Variants in GADL1 observed in about 807,000 individuals in gnomAD.
The protein encoded by GADL1 is GAD like acidic amino acid decarboxylase 1.
In GADL1, 71 loss-of-function variants were observed where a neutral mutation model predicts 69.5. The observed-to-expected ratio is 1.02, with a 90% confidence interval of 0.84 to 1.25. The LOEUF is 1.25. Among genes scored for constraint, GADL1 ranks in the 50% most tolerant of loss-of-function variants. GADL1 has a pLI of 0.00. For missense variants in GADL1, 737 were observed against 631.8 expected, an observed-to-expected ratio of 1.17 and a Z score of -1.79; for synonymous variants, 254 against 214.4, an observed-to-expected ratio of 1.18 and a Z score of -1.62.
intron 14 of GADL1, among the ~76,000 whole-genome samples, chr3:30,753,236 G>A (rs1337169619): frequency 6.6e-6 from 1 of 152,080 alleles, no homozygotes; most frequent in Non-Finnish European, 1.5e-5. Flanking sequence ...TTGTGTGAAT[G>A]GAGATAGTTC....
chr3:30,730,863 G>C (rs1459087809), intron 14 of GADL1, among the ~76,000 whole-genome samples: 1 of 152,158 alleles, frequency 6.6e-6, no homozygotes, highest in Non-Finnish European at 1.5e-5. Flanking sequence ...GCATGTGTGT[G>C]TGTGTGTGCC....
chr3:30,868,864 G>A (rs1162690838), intron 1 of GADL1, among the ~76,000 whole-genome samples: 1 of 151,892 alleles, frequency 6.6e-6, no homozygotes, highest in African/African-American at 2.4e-5. Context: ...TGAATCAAAA[G>A]TGAATCCAGA....
intron 14 of GADL1, among the ~76,000 whole-genome samples, chr3:30,743,011 T>C (rs1255700931): frequency 6.6e-6 from 1 of 152,052 alleles, no homozygotes; most frequent in African/African-American, 2.4e-5. Flanking sequence ...TCTTGTATGC[T>C]ACACCAGCTG....
chr3:30,825,324 T>G (rs926557560), intron 11 of GADL1, among the ~76,000 whole-genome samples: 2 of 152,002 alleles, frequency 1.3e-5, no homozygotes, highest in Non-Finnish European at 2.9e-5. Flanking sequence ...AATTAGGGTT[T>G]AAATACAATT....
intron 14 of GADL1, among the ~76,000 whole-genome samples, chr3:30,777,773 C>T (rs920741967): frequency 1.3e-5 from 2 of 152,196 alleles, no homozygotes; most frequent in Non-Finnish European, 1.5e-5. Flanking sequence ...TTGTTGAAGA[C>T]AGTCTCACGC....
intron 4 of GADL1, among the ~76,000 whole-genome samples, chr3:30,853,177 C>A (rs1413341682): frequency 6.6e-6 from 1 of 152,032 alleles, no homozygotes; most frequent in Non-Finnish European, 1.5e-5. Flanking sequence ...AGTATTGAGC[C>A]GCCTTCTCTC....
chr3:30,794,984 A>G (rs1348341431), intron 12 of GADL1, among the ~76,000 whole-genome samples: 2 of 152,318 alleles, frequency 1.3e-5, no homozygotes, highest in African/African-American at 2.4e-5. Context: ...CCAGTATTTT[A>G]GAGACCTGAC....
At chr3:30,766,805 C>T (rs952832338) in intron 14 of GADL1, among the ~76,000 whole-genome samples, 1 of 151,808 alleles carries the variant, frequency 6.6e-6, no homozygotes, top group African/African-American at 2.4e-5. Flanking sequence ...TAAATCAGAT[C>T]ACTGTAGTCC....
rs1164887581 is a variant in GADL1 at position 30,857,112 on chromosome 3, C to T, written c.240G>A (p.Leu80=). 3 of 1,550,214 alleles carry T rather than the reference C, an allele frequency of 1.9e-6. No individual in the cohort carries two copies. The highest frequency in any genetic ancestry group is 2.6e-6 in the Non-Finnish European group (3 of 1,145,862). Residue 80 remains leucine, a synonymous_variant, in exon 3 of 15, where the codon CTG becomes CTA. Coordinates refer to ENST00000282538, the MANE Select transcript of GADL1 (RefSeq NM_207359.3). ...TCATCTCCAAATCAAGAAGCTGTTT[C>T]AGTTGTTCAGGAGGCCTCCATTCAC... The part of the protein sequence containing the change: ...KVCEWRPPEQ[L]KQLLDLEMRD...
intron 12 of GADL1, among the ~76,000 whole-genome samples, chr3:30,788,222 A>AG (rs1463333581): frequency 6.6e-6 from 1 of 152,216 alleles, no homozygotes. Flanking sequence ...TAATAATCAA[A>AG]GAAGTGCAAA....
At chr3:30,857,625 G>A (rs1164661295) in intron 2 of GADL1, among the ~76,000 whole-genome samples, 2 of 151,840 alleles carry the variant, frequency 1.3e-5, no homozygotes, top group South Asian at 2.1e-4. Flanking sequence ...GTCTGCTATC[G>A]ACCTAGCAGC....
chr3:30,751,483 GGGT>G (rs1167005246), intron 14 of GADL1, among the ~76,000 whole-genome samples: 13 of 150,606 alleles, frequency 8.6e-5, no homozygotes, highest in Non-Finnish European at 1.5e-4. Context: ...CCGAGAACCT[GGGT>G]AACTAGAACC....
chr3:30,744,619 C>T (rs189529375), intron 14 of GADL1, among the ~76,000 whole-genome samples: 10 of 152,110 alleles, frequency 6.6e-5, no homozygotes, highest in East Asian at 1.9e-4. Flanking sequence ...GAGACCGAGG[C>T]GGGAGGATTG....
intron 12 of GADL1, among the ~76,000 whole-genome samples, chr3:30,787,862 A>G (rs1696829585): frequency 6.6e-6 from 1 of 152,196 alleles, no homozygotes; most frequent in South Asian, 2.1e-4. Context: ...GCCATTCTAT[A>G]ATGTGAATAT....
chr3:30,791,824 A>T (rs888758513), intron 12 of GADL1, among the ~76,000 whole-genome samples: 1 of 152,072 alleles, frequency 6.6e-6, no homozygotes, highest in Non-Finnish European at 1.5e-5. Context: ...GGGTTTTCTC[A>T]TGCTGTTTTC....
intron 1 of GADL1, among the ~76,000 whole-genome samples, chr3:30,889,192 G>A (rs550545617): frequency 7.5e-4 from 113 of 150,678 alleles, no homozygotes; most frequent in Non-Finnish European, 1.3e-3. Context: ...AAGACCAAAG[G>A]CATGTTTTAC....
chr3:30,837,527 T>C (rs755241161), intron 9 of GADL1, among the ~76,000 whole-genome samples: 19 of 152,166 alleles, frequency 1.2e-4, no homozygotes, highest in Non-Finnish European at 2.1e-4. Flanking sequence ...AGCTTTTCAT[T>C]CATAAATCAC....
At chr3:30,824,568 A>T (rs1404731199) in intron 11 of GADL1, among the ~76,000 whole-genome samples, 1 of 151,744 alleles carries the variant, frequency 6.6e-6, no homozygotes, top group African/African-American at 2.4e-5. Context: ...TGAATAAGGA[A>T]ATTGTGATAT....
Position 30,850,048 on chromosome 3 carries a change from T to A in GADL1, c.599A>T (p.Lys200Met). 1 of 1,612,238 alleles carries A rather than the reference T, an allele frequency of 6.2e-7. No homozygotes were observed. Reference protein sequence around the residue: ...LARYKYCPDIKEKGLSGSPRL... With the variant: ...LARYKYCPDIMEKGLSGSPRL... ...TGGCGAACCAGACAGCCCCTTTTCC[T>A]TAATATCAGGACAATATTTGTATCT... Residue 200 changes from lysine (K) to methionine (M), a missense_variant, in exon 6 of 15, where the codon AAG becomes ATG. Lys to Met is a moderately conservative substitution (Grantham distance 95, BLOSUM62 -1). Coordinates refer to ENST00000282538, the MANE Select transcript of GADL1 (RefSeq NM_207359.3).
Sources: gnomAD v4.1 joint callset for allele counts (sites outside exome capture counted in the v4.1 genomes callset) on GRCh38, gnomAD v4.1.1 for gene constraint, MANE v1.5 for transcripts, NCBI Gene and HGNC (gene_info 2026-07-23, HGNC 2026-07-21) for gene names.